Variants in PHF24 observed in about 807,000 individuals in gnomAD.
PHF24 encodes the protein Galpha inhibitory interacting protein.
Under a neutral mutation model 42.6 loss-of-function variants are expected in PHF24, and 25 were observed. The observed-to-expected ratio is 0.59, with a 90% CI of 0.43 to 0.82. The LOEUF is 0.82. Among genes scored for constraint, PHF24 ranks in the 40% least tolerant of loss-of-function variants. The pLI, the probability that PHF24 is intolerant of heterozygous loss-of-function variation, is 0.00. For missense variants in PHF24, 470 were observed against 538.1 expected (o/e 0.87, Z 1.25); for synonymous variants, 185 against 204.8 (o/e 0.90, Z 0.83).
the PHF24 span, among the ~76,000 whole-genome samples, chr9:34,683,113 T>C: frequency 6.6e-6 from 1 of 151,584 alleles, no homozygotes; most frequent in Non-Finnish European, 1.5e-5. Flanking sequence ...CAGGCTGGAG[T>C]GCAATGGCAC....
At chr9:34,872,303 C>T in the PHF24 span, among the ~76,000 whole-genome samples, 1 of 149,096 alleles carries the variant, frequency 6.7e-6, no homozygotes, top group African/African-American at 2.5e-5. Flanking sequence ...TGCGCTGCAC[C>T]CACTAACTCT....
chr9:34,886,994 C>T, the PHF24 span, among the ~76,000 whole-genome samples: 1 of 152,150 alleles, frequency 6.6e-6, no homozygotes, highest in Non-Finnish European at 1.5e-5. Flanking sequence ...ACTCCTGACT[C>T]CCCTTCTCCC....
the PHF24 span, among the ~76,000 whole-genome samples, chr9:34,822,864 C>T: frequency 5.3e-5 from 8 of 152,090 alleles, no homozygotes; most frequent in South Asian, 2.1e-4. Flanking sequence ...GCTCCTCATT[C>T]GTACTTCATC....
chr9:34,746,184 T>A, the PHF24 span, among the ~76,000 whole-genome samples: 1 of 152,202 alleles, frequency 6.6e-6, no homozygotes, highest in Non-Finnish European at 1.5e-5. Flanking sequence ...TGGTCAATCC[T>A]GAAGAGCTGT....
At chr9:34,860,452 C>T in the PHF24 span, among the ~76,000 whole-genome samples, 2 of 152,114 alleles carry the variant, frequency 1.3e-5, no homozygotes, top group Admixed American at 6.5e-5. Flanking sequence ...TACTTTTGTA[C>T]CAACCTGATA....
At chr9:34,789,020 G>A in the PHF24 span, among the ~76,000 whole-genome samples, 5 of 152,314 alleles carry the variant, frequency 3.3e-5, no homozygotes, top group African/African-American at 9.6e-5. Flanking sequence ...GCAGTAATGA[G>A]CGATGCAGGT....
chr9:34,813,932 A>G, the PHF24 span, among the ~76,000 whole-genome samples: 1 of 152,182 alleles, frequency 6.6e-6, no homozygotes, highest in Non-Finnish European at 1.5e-5. Context: ...ATTTACTCTC[A>G]TTTCATTCAG....
the PHF24 span, among the ~76,000 whole-genome samples, chr9:34,904,555 T>C: frequency 6.6e-6 from 1 of 151,962 alleles, no homozygotes; most frequent in Non-Finnish European, 1.5e-5. Flanking sequence ...AAACCATCCC[T>C]GCATCCCTGG....
At chr9:34,918,353 T>G in the PHF24 span, 1 of 730,614 alleles carries the variant, frequency 1.4e-6, no homozygotes. Context: ...ACTCCAACTC[T>G]TCCCCCTCTC....
the PHF24 span, among the ~76,000 whole-genome samples, chr9:34,934,598 G>A: frequency 6.7e-6 from 1 of 150,134 alleles, no homozygotes; most frequent in African/African-American, 2.5e-5. Flanking sequence ...GACCTCCTGA[G>A]CCTTAAGCCT....
chr9:34,848,130 G>C, the PHF24 span, among the ~76,000 whole-genome samples: 2 of 151,710 alleles, frequency 1.3e-5, no homozygotes, highest in African/African-American at 4.8e-5. Flanking sequence ...GAGTTAGGGA[G>C]GATTCCCTCT....
At chr9:34,741,384 C>T in the PHF24 span, among the ~76,000 whole-genome samples, 744 of 150,006 alleles carry the variant, frequency 5.0e-3, 3 homozygotes, top group Middle Eastern at 6.9e-3. Flanking sequence ...TTTTTTGAGA[C>T]GGAGCTTCAC....
chr9:34,818,549 AT>A, the PHF24 span, among the ~76,000 whole-genome samples: 2 of 152,176 alleles, frequency 1.3e-5, no homozygotes, highest in African/African-American at 2.4e-5. Flanking sequence ...GAAAATTTGT[AT>A]TTTTTTATAT....
chr9:34,806,481 CAG>C, the PHF24 span, among the ~76,000 whole-genome samples: 1 of 152,132 alleles, frequency 6.6e-6, no homozygotes, highest in Non-Finnish European at 1.5e-5. Flanking sequence ...TTTCTTGAGA[CAG>C]AGTCTCACTC....
chr9:34,899,187 C>T, the PHF24 span, among the ~76,000 whole-genome samples: 4 of 152,148 alleles, frequency 2.6e-5, no homozygotes, highest in Middle Eastern at 3.4e-3. Flanking sequence ...TGGTTGAGAG[C>T]GAACAGCAAA....
the PHF24 span, among the ~76,000 whole-genome samples, chr9:34,812,984 T>C: frequency 6.6e-6 from 1 of 152,240 alleles, no homozygotes; most frequent in Non-Finnish European, 1.5e-5. Flanking sequence ...TGTTACGTTT[T>C]TAAAGCCTTT....
chr9:34,966,612 A>G (rs10116097), intron 1 of PHF24, among the ~76,000 whole-genome samples: 30,575 of 151,898 alleles, frequency 0.2, 3,652 homozygotes, highest in East Asian at 0.6. Flanking sequence ...AAAATAAATA[A>G]TTAAATCATT....
the PHF24 span, chr9:34,833,629 T>C: frequency 1.3e-6 from 2 of 1,537,010 alleles, no homozygotes; most frequent in Non-Finnish European, 8.8e-7. Flanking sequence ...GGTGGAAGTT[T>C]AGTTTGGTCA....
the PHF24 span, among the ~76,000 whole-genome samples, chr9:34,677,384 A>C: frequency 1.6e-5 from 2 of 127,128 alleles, no homozygotes; most frequent in Non-Finnish European, 1.7e-5. Flanking sequence ...GGGTCTTTGT[A>C]AACTGTTTTT....
Sources: allele counts gnomAD v4.1 joint callset (sites outside exome capture counted in the v4.1 genomes callset), GRCh38; gene constraint gnomAD v4.1.1; transcripts MANE v1.5; gene names NCBI Gene and HGNC (gene_info 2026-07-23, HGNC 2026-07-21).